SEMA3D: variants seen among roughly 807,000 people sequenced by gnomAD.
The protein encoded by SEMA3D is semaphorin-3D.
SEMA3D carries 84 observed loss-of-function variants against 100.1 expected under a neutral mutation model. That is an observed-to-expected ratio of 0.84 (90% CI 0.70 to 1.01). The LOEUF (loss-of-function observed/expected upper bound fraction) is 1.01, where lower values mean the gene tolerates loss of function less well. Ranked by LOEUF, SEMA3D falls within the 50% of genes least tolerant of loss-of-function variation. SEMA3D has a pLI of 0.00. For missense variants in SEMA3D, 875 were observed against 934.1 expected (o/e 0.94, Z 0.82); for synonymous variants, 312 against 320.7 (o/e 0.97, Z 0.29).
intron 4 of SEMA3D, among the ~76,000 whole-genome samples, chr7:85,097,140 G>A (rs1340451046): frequency 6.6e-6 from 1 of 151,800 alleles, no homozygotes; most frequent in Non-Finnish European, 1.5e-5. Context: ...TGTCTAAAGT[G>A]TGGCACCCTT....
intron 1 of SEMA3D, among the ~76,000 whole-genome samples, chr7:85,162,508 T>C (rs1272141408): frequency 1.3e-5 from 2 of 152,164 alleles, no homozygotes; most frequent in Non-Finnish European, 2.9e-5. Context: ...TTGAATGACC[T>C]TTGTTTTCTA....
At chr7:85,095,892 C>T (rs896118378) in intron 4 of SEMA3D, among the ~76,000 whole-genome samples, 5 of 151,802 alleles carry the variant, frequency 3.3e-5, no homozygotes, top group African/African-American at 1.2e-4. Flanking sequence ...CATGGAACAT[C>T]GCCAAAGAGA....
chr7:85,152,141 T>G (rs1319695965), intron 2 of SEMA3D, among the ~76,000 whole-genome samples: 2 of 152,046 alleles, frequency 1.3e-5, no homozygotes, highest in South Asian at 4.1e-4. Context: ...AGGACAATAT[T>G]TCTTTGTTCA....
chr7:85,084,746 A>G (rs967244339), intron 4 of SEMA3D, among the ~76,000 whole-genome samples: 1 of 151,860 alleles, frequency 6.6e-6, no homozygotes, highest in African/African-American at 2.4e-5. Flanking sequence ...ATTTTTTCTG[A>G]TTCTCTCCCA....
At chr7:85,101,612 T>C (rs1788745551) in intron 3 of SEMA3D, among the ~76,000 whole-genome samples, 1 of 152,056 alleles carries the variant, frequency 6.6e-6, no homozygotes, top group Non-Finnish European at 1.5e-5. Context: ...ATCAGCATTA[T>C]GAATAGTGTC....
chr7:85,063,686 C>T (rs966874896), intron 8 of SEMA3D, among the ~76,000 whole-genome samples: 4 of 152,196 alleles, frequency 2.6e-5, no homozygotes, highest in Admixed American at 1.3e-4. Flanking sequence ...TCTCTGTCCT[C>T]GTCCTTCTTT....
At chr7:85,211,167 C>T in the SEMA3D span, among the ~76,000 whole-genome samples, 1 of 152,000 alleles carries the variant, frequency 6.6e-6, no homozygotes, top group African/African-American at 2.4e-5. Context: ...ATGCAAACAA[C>T]AATTTCTGAA....
At chr7:85,204,920 A>G in the SEMA3D span, among the ~76,000 whole-genome samples, 1 of 152,124 alleles carries the variant, frequency 6.6e-6, no homozygotes, top group Non-Finnish European at 1.5e-5. Context: ...ATAAATAGTA[A>G]CATCAGGAGC....
chr7:85,165,531 A>G (rs999315693), intron 1 of SEMA3D, among the ~76,000 whole-genome samples: 17 of 152,108 alleles, frequency 1.1e-4, no homozygotes, highest in African/African-American at 3.6e-4. Context: ...CATCACTTGT[A>G]GTAGGGAGTG....
chr7:85,083,886 G>A lies in SEMA3D; in HGVS notation c.313-2307C>T, dbSNP rs111342790. ...GCATCGGCCGGGGGTGGTGGCTCACGCCTCTAATCCCAGCACTTTGGGAGG... is the reference window on the plus strand; with the variant it reads ...GCATCGGCCGGGGGTGGTGGCTCACACCTCTAATCCCAGCACTTTGGGAGG... On this transcript the variant is annotated intron_variant, in intron 4 of 18. Transcript: ENST00000284136. Among the ~76,000 whole-genome samples the A allele has an allele frequency of 5.5e-3, 804 of 146,722 alleles. 8 individuals carry two copies. Among genetic ancestry groups the A allele is most frequent in the African/African-American group, 0.019 (769 of 39,704 alleles).
chr7:85,184,597 A>G (rs1235152890), intron 1 of SEMA3D, among the ~76,000 whole-genome samples: 1 of 152,184 alleles, frequency 6.6e-6, no homozygotes, highest in Non-Finnish European at 1.5e-5. Context: ...CACCTGAAAC[A>G]CAATAGGTGT....
intron 6 of SEMA3D, among the ~76,000 whole-genome samples, chr7:85,069,030 G>A (rs1791701526): frequency 6.6e-6 from 1 of 152,012 alleles, no homozygotes; most frequent in African/African-American, 2.4e-5. Context: ...AATGAATATG[G>A]CCCCATGAGA....
At chr7:85,140,965 T>C (rs1298452460) in intron 2 of SEMA3D, 28 of 577,944 alleles carry the variant, frequency 4.8e-5, no homozygotes, top group Non-Finnish European at 5.9e-5. Flanking sequence ...TCTATGCATA[T>C]ACATAAATGT....
intron 2 of SEMA3D, chr7:85,141,733 T>G (rs1419834864): frequency 1.1e-6 from 1 of 890,232 alleles, no homozygotes; most frequent in Non-Finnish European, 1.3e-6. Flanking sequence ...ATGTTTTCTA[T>G]TGAGAGAAAC....
intron 5 of SEMA3D, among the ~76,000 whole-genome samples, chr7:85,074,928 T>C (rs2116200931): frequency 6.6e-6 from 1 of 152,230 alleles, no homozygotes; most frequent in East Asian, 1.9e-4. Flanking sequence ...CCGATACTAA[T>C]AGTTTCGAAC....
chr7:84,999,883 T>G lies in SEMA3D; in HGVS notation c.1909-18A>C, dbSNP rs199686765. On this transcript the variant is annotated intron_variant, in intron 18 of 18. Coordinates refer to ENST00000284136, the MANE Select transcript of SEMA3D (RefSeq NM_001384900.1). ...GGCTTCAACTGCAGAATTGGAAAAA[T>G]GTAGGTAATAAATTAAACACAGAGA... The G allele has an allele frequency of 6.2e-7, 1 of 1,604,952 alleles. No homozygotes were observed. Among genetic ancestry groups the G allele is most frequent in the Admixed American group, 1.7e-5 (1 of 59,466 alleles).
At chr7:85,048,069 A>G (rs1391891065) in intron 9 of SEMA3D, among the ~76,000 whole-genome samples, 2 of 151,802 alleles carry the variant, frequency 1.3e-5, no homozygotes, top group African/African-American at 4.8e-5. Flanking sequence ...AACCTATTCC[A>G]TTACCCAAAC....
At chr7:85,165,016 C>A (rs1009583975) in intron 1 of SEMA3D, among the ~76,000 whole-genome samples, 2 of 147,926 alleles carry the variant, frequency 1.4e-5, no homozygotes, top group East Asian at 4.0e-4. Flanking sequence ...CCACAACAGT[C>A]CCCAGTGTGT....
At chr7:85,168,639 T>TTTA (rs1229917710) in intron 1 of SEMA3D, among the ~76,000 whole-genome samples, 2 of 129,982 alleles carry the variant, frequency 1.5e-5, no homozygotes, top group East Asian at 2.3e-4. Context: ...TTTTTTTTTT[T>TTTA]AATTTTAATT....
Sources: gnomAD v4.1 joint callset for allele counts (sites outside exome capture counted in the v4.1 genomes callset) on GRCh38, gnomAD v4.1.1 for gene constraint, MANE v1.5 for transcripts, NCBI Gene and HGNC (gene_info 2026-07-23, HGNC 2026-07-21) for gene names.